The following MTHFD2L variants were observed in gnomAD, a reference collection of about 807,000 sequenced individuals.
The protein encoded by MTHFD2L is methylenetetrahydrofolate dehydrogenase (NADP+ dependent) 2 like.
MTHFD2L carries 29 observed loss-of-function variants against 34.9 expected under a neutral mutation model. That is an observed-to-expected ratio of 0.83 (90% CI 0.62 to 1.13). MTHFD2L has a LOEUF of 1.13. Ranked by LOEUF, MTHFD2L falls within the 50% of genes most tolerant of loss-of-function variation. The pLI is 0.00. For missense variants in MTHFD2L, 481 were observed against 446.5 expected (o/e 1.08, Z -0.70); for synonymous variants, 167 against 155.7 (o/e 1.07, Z -0.54).
At chr4:74,264,063 C>G (rs187444498) in intron 6 of MTHFD2L, among the ~76,000 whole-genome samples, 21 of 152,144 alleles carry the variant, frequency 1.4e-4, no homozygotes, top group Middle Eastern at 3.4e-3. Flanking sequence ...ACTTCCCAAC[C>G]TGATGAAGGG....
At chr4:74,243,249 T>C (rs919572645) in intron 6 of MTHFD2L, among the ~76,000 whole-genome samples, 2 of 152,200 alleles carry the variant, frequency 1.3e-5, no homozygotes, top group Non-Finnish European at 2.9e-5. Flanking sequence ...GGATATATTT[T>C]TATCACAGCG....
chr4:74,187,617 A>G (rs1418398459), intron 3 of MTHFD2L, among the ~76,000 whole-genome samples: 3 of 152,116 alleles, frequency 2.0e-5, no homozygotes, highest in Non-Finnish European at 4.4e-5. Flanking sequence ...TGACTATACT[A>G]TGTGTTGGTG....
At chr4:74,283,423 T>G (rs531014529) in intron 7 of MTHFD2L, among the ~76,000 whole-genome samples, 8 of 152,224 alleles carry the variant, frequency 5.3e-5, no homozygotes, top group African/African-American at 1.4e-4. Context: ...TAAATCAAAT[T>G]GTAGTTCTGT....
intron 1 of MTHFD2L, among the ~76,000 whole-genome samples, chr4:74,128,910 G>A (rs1722270806): frequency 6.6e-6 from 1 of 151,982 alleles, no homozygotes; most frequent in Admixed American, 6.6e-5. Flanking sequence ...TGCTATCATT[G>A]ACAAGTAAGG....
At chr4:74,223,947 G>T (rs1738679247) in intron 5 of MTHFD2L, 1 of 152,038 alleles carries the variant, frequency 6.6e-6, no homozygotes, top group Admixed American at 6.6e-5. Context: ...AAATTCCCCT[G>T]GGTTTGCTCT....
intron 6 of MTHFD2L, among the ~76,000 whole-genome samples, chr4:74,234,705 C>T (rs1740582594): frequency 6.6e-6 from 1 of 151,722 alleles, no homozygotes; most frequent in South Asian, 2.1e-4. Context: ...GAAAGATGTG[C>T]AAACAAATTA....
chr4:74,228,289 AC>A (rs1739490065), intron 6 of MTHFD2L, among the ~76,000 whole-genome samples: 1 of 152,140 alleles, frequency 6.6e-6, no homozygotes, highest in African/African-American at 2.4e-5. Flanking sequence ...CTTTTTAGAG[AC>A]ACTTCTGTTC....
upstream of MTHFD2L, among the ~76,000 whole-genome samples, chr4:74,153,865 CATTAT>C (rs1458954989): frequency 1.3e-5 from 2 of 152,112 alleles, no homozygotes; most frequent in Non-Finnish European, 2.9e-5. Context: ...TAACATCTTA[CATTAT>C]ATGATAAAAT....
intron 1 of MTHFD2L, among the ~76,000 whole-genome samples, chr4:74,130,045 G>A (rs1483131639): frequency 3.3e-5 from 5 of 152,022 alleles, no homozygotes; most frequent in South Asian, 2.1e-4. Flanking sequence ...GGAAGAAGTC[G>A]AATCCCTGAA....
chr4:74,294,553 G>A (rs987588687), intron 7 of MTHFD2L, among the ~76,000 whole-genome samples: 2 of 152,026 alleles, frequency 1.3e-5, no homozygotes, highest in Admixed American at 1.3e-4. Context: ...GGGCATTTTA[G>A]TGTCCTTTAT....
intron 2 of MTHFD2L, among the ~76,000 whole-genome samples, 168 bp from the exon 3 acceptor site, chr4:74,175,113 G>A (rs866796897): frequency 2.6e-5 from 4 of 152,218 alleles, no homozygotes; most frequent in Middle Eastern, 3.4e-3. Context: ...AAGAATACAT[G>A]TGGATCAAGA....
upstream of MTHFD2L, among the ~76,000 whole-genome samples, chr4:74,119,550 G>A (rs905861275): frequency 2.4e-4 from 37 of 152,268 alleles, no homozygotes; most frequent in African/African-American, 7.5e-4. Context: ...TTGGGAGGCC[G>A]AGGCGGGCGG....
chr4:74,170,361 C>T (rs1039155911), intron 1 of MTHFD2L, among the ~76,000 whole-genome samples: 1 of 152,102 alleles, frequency 6.6e-6, no homozygotes, highest in Non-Finnish European at 1.5e-5. Flanking sequence ...GACTAACACT[C>T]GAGAAAAACA....
chr4:74,126,941 A>ATCATGGG (rs1722123294), intron 1 of MTHFD2L, among the ~76,000 whole-genome samples: 2 of 151,998 alleles, frequency 1.3e-5, no homozygotes, highest in East Asian at 3.9e-4. Context: ...AGGTAATTGA[A>ATCATGGG]TCATGGGGGC....
In MTHFD2L at chr4:74,199,515, T is replaced by C. The variant is rs529473320; in HGVS notation, c.452-279T>C. ...GACACCTGGCTATTACCAGATCTCA[T>C]TGGTATTGTTTAATTCACAATTTTT... On this transcript the variant is annotated intron_variant, in intron 3 of 7. Coordinates refer to ENST00000325278, the MANE Select transcript of MTHFD2L (RefSeq NM_001144978.3). Among the ~76,000 whole-genome samples, 5 of 152,248 alleles carry C rather than the reference T, an allele frequency of 3.3e-5. No homozygotes were observed. In the South Asian group the frequency reaches 1.0e-3, roughly 32 times the overall value.
chr4:74,129,637 A>T (rs1324209941), intron 1 of MTHFD2L, among the ~76,000 whole-genome samples: 1 of 152,204 alleles, frequency 6.6e-6, no homozygotes, highest in Non-Finnish European at 1.5e-5. Flanking sequence ...AGTGGGAAAG[A>T]TCTAAAATCG....
At chr4:74,164,097 TG>T (rs1553898562) in intron 1 of MTHFD2L, among the ~76,000 whole-genome samples, 3 of 152,080 alleles carry the variant, frequency 2.0e-5, no homozygotes, top group Non-Finnish European at 2.9e-5. Context: ...GGATGCGTCT[TG>T]ATCTCCTGAC....
chr4:74,199,919 G>A lies in MTHFD2L; in HGVS notation c.577G>A (p.Ala193Thr). 1 of 1,614,006 alleles carries A rather than the reference G, an allele frequency of 6.2e-7. No individual in the cohort carries two copies. Among genetic ancestry groups the A allele is most frequent in the African/African-American group, 1.3e-5 (1 of 75,036 alleles). Residue 193 changes from alanine to threonine, a missense_variant, in exon 4 of 8, where the codon GCT (alanine) becomes ACT (threonine). Transcript: ENST00000325278. ...QHSLIPATAS[A>T]VWEIIKRTGI... Reference sequence around the variant, plus strand: ...TTCTCTCATACCTGCCACTGCCAGTGCTGTTTGGGAAATAATAAAAAGAAC... The same window carrying A: ...TTCTCTCATACCTGCCACTGCCAGTACTGTTTGGGAAATAATAAAAAGAAC...
upstream of MTHFD2L, among the ~76,000 whole-genome samples, chr4:74,118,530 A>G (rs924770262): frequency 6.6e-6 from 1 of 152,208 alleles, no homozygotes; most frequent in Non-Finnish European, 1.5e-5. Flanking sequence ...ACCTCAGAAT[A>G]TAACTGTATT....
Sources: gnomAD v4.1 joint callset for allele counts (sites outside exome capture counted in the v4.1 genomes callset) on GRCh38, gnomAD v4.1.1 for gene constraint, MANE v1.5 for transcripts, NCBI Gene and HGNC (gene_info 2026-07-23, HGNC 2026-07-21) for gene names.